MIAT: variants seen among roughly 807,000 people sequenced by gnomAD.
The protein encoded by MIAT is MI related novel mRNA.
chr22:26,663,351 C>T (rs1454118009), exon 3 of MIAT: 1 of 398,680 alleles, frequency 2.5e-6, no homozygotes, highest in Non-Finnish European at 4.4e-6. Context: ...GTTCCAGACA[C>T]GTTCATGTGG....
intron 2 of MIAT, among the ~76,000 whole-genome samples, chr22:26,662,275 AC>A (rs1374789884): frequency 6.6e-6 from 1 of 151,456 alleles, no homozygotes; most frequent in Non-Finnish European, 1.5e-5. Context: ...ATTTGAATAC[AC>A]CCTCTGCCCC....
At chr22:26,660,006 T>C (rs950783668) in intron 2 of MIAT, among the ~76,000 whole-genome samples, 1 of 151,510 alleles carries the variant, frequency 6.6e-6, no homozygotes, top group Non-Finnish European at 1.5e-5. Context: ...CAGCTAATTT[T>C]TGGATTTTTT....
chr22:26,667,420 G>A (rs1314101335), intron 5 of MIAT: 5 of 371,644 alleles, frequency 1.3e-5, no homozygotes, highest in Admixed American at 5.0e-5. Flanking sequence ...GCGTGTATGT[G>A]TGTGTATGCG....
At chr22:26,675,326 C>G (rs1478596884) in exon 5 of MIAT, 3 of 398,590 alleles carry the variant, frequency 7.5e-6, no homozygotes, top group Non-Finnish European at 8.8e-6. Flanking sequence ...AGATAGGAGA[C>G]ATGGACATGG....
intron 2 of MIAT, among the ~76,000 whole-genome samples, chr22:26,658,685 C>T (rs1930547848): frequency 6.6e-6 from 1 of 152,210 alleles, no homozygotes; most frequent in South Asian, 2.1e-4. Context: ...TCATCCCAGG[C>T]TCCGGATCCG....
chr22:26,663,323 C>T, exon 3 of MIAT: 2 of 398,606 alleles, frequency 5.0e-6, no homozygotes, highest in Admixed American at 8.8e-5. Context: ...CAGTTGGAGG[C>T]ATCTGTCCAC....
intron 2 of MIAT, among the ~76,000 whole-genome samples, chr22:26,661,760 A>G (rs1299855659): frequency 6.6e-6 from 1 of 151,836 alleles, no homozygotes; most frequent in Non-Finnish European, 1.5e-5. Context: ...CAGACTGTGA[A>G]AGCAACCGGC....
chr22:26,676,156 T>C (rs183790608), exon 5 of MIAT: 2 of 390,638 alleles, frequency 5.1e-6, no homozygotes, highest in African/African-American at 4.3e-5. Flanking sequence ...GTGAGGGCTG[T>C]GCTGGTGTAA....
downstream of MIAT, chr22:26,672,498 A>T: frequency 2.5e-6 from 1 of 399,424 alleles, no homozygotes; most frequent in East Asian, 3.6e-5. Context: ...CACTGGGAGT[A>T]GGTGGGACCA....
At chr22:26,661,638 G>A (rs541738959) in intron 2 of MIAT, among the ~76,000 whole-genome samples, 9 of 152,144 alleles carry the variant, frequency 5.9e-5, no homozygotes, top group East Asian at 1.9e-4. Flanking sequence ...GCCACGCAGC[G>A]AATTAGCTGT....
chr22:26,666,274 T>C (rs1182347849), exon 4 of MIAT: 39 of 398,518 alleles, frequency 9.8e-5, no homozygotes, highest in Non-Finnish European at 1.3e-5. Context: ...TCTGGTCTTC[T>C]CCAGACTGGT....
intron 2 of MIAT, among the ~76,000 whole-genome samples, chr22:26,651,695 G>A (rs1930339390): frequency 6.6e-6 from 1 of 152,218 alleles, no homozygotes; most frequent in Non-Finnish European, 1.5e-5. Flanking sequence ...TCATACAATG[G>A]AATATTATTC....
chr22:26,664,005 C>CTTTTTT (rs202155948), intron 3 of MIAT, among the ~76,000 whole-genome samples: 8 of 116,266 alleles, frequency 6.9e-5, no homozygotes, highest in African/African-American at 2.7e-4. Flanking sequence ...CTGTGTTCAG[C>CTTTTTT]TTTTTTTTTT....
chr22:26,660,249 A>G (rs1343904263), intron 2 of MIAT, among the ~76,000 whole-genome samples: 1 of 150,210 alleles, frequency 6.7e-6, no homozygotes, highest in Non-Finnish European at 1.5e-5. Context: ...AGGTGGGTGG[A>G]TCACCTGAGG....
At position 26,675,341 on chromosome 22, in the gene MIAT, G is replaced by A. The variant is rs188377623; in HGVS notation, n.9009G>A. ...AGATAGGAGACATGGACATGGTGCC[G>A]GGTCTGGTTGCCAAGAAGTTTAGAT... is the stretch of plus-strand genomic sequence containing the variant. On this transcript the variant is annotated non_coding_transcript_exon_variant, in exon 5 of 5. Coordinates refer to the MIAT transcript ENST00000613780. 24 of 398,710 alleles carry A rather than the reference G, an allele frequency of 6.0e-5. No homozygotes were observed. The East Asian group carries it at 6.8e-4, about 11-fold the overall frequency. The allele number at this position is 398,710 out of a possible 1,614,324, so 24.7% of individuals were successfully genotyped here.
intron 3 of MIAT, among the ~76,000 whole-genome samples, chr22:26,665,066 G>A (rs1208944354): frequency 6.6e-6 from 1 of 151,690 alleles, no homozygotes; most frequent in Non-Finnish European, 1.5e-5. Context: ...GTGAAACCCC[G>A]TCTCTACTAC....
At chr22:26,669,514 A>G (rs34311659) in exon 6 of MIAT, 1 of 398,592 alleles carries the variant, frequency 2.5e-6, no homozygotes, top group Admixed American at 4.4e-5. Flanking sequence ...ATATCACCAT[A>G]TTAGGGCTTA....
downstream of MIAT, chr22:26,672,425 C>T (rs1602373976): frequency 1.0e-5 from 4 of 399,306 alleles, no homozygotes; most frequent in South Asian, 5.1e-4. Flanking sequence ...AGAGGTGGTC[C>T]TGTGGATGTG....
chr22:26,659,820 T>TTTTC lies in MIAT; in HGVS notation n.647-3476_647-3473dup, dbSNP rs201658637. Among the ~76,000 whole-genome samples the TTTTC allele has an allele frequency of 1.4e-4, 18 of 132,244 alleles. 1 individual carries two copies. The highest frequency in any genetic ancestry group is 2.5e-4 in the African/African-American group (9 of 35,616). 86.8% of individuals were successfully genotyped at this position (132,244 alleles called of 152,430 possible). On this transcript the variant is annotated intron_variant and non_coding_transcript_variant, in intron 2 of 5. Coordinates refer to ENST00000643270, the Ensembl canonical transcript of MIAT. Reference sequence around the variant, plus strand: ...AGAAAACTCCATTTTCTTTTTTTCTTTTTCTTTCTTTCTTTCTTTCTTTTT... The same window carrying TTTTC: ...AGAAAACTCCATTTTCTTTTTTTCTTTTTCTTTCTTTCTTTCTTTCTTTCTTTTT...
Sources: allele counts gnomAD v4.1 joint callset (sites outside exome capture counted in the v4.1 genomes callset), GRCh38; gene constraint gnomAD v4.1.1; transcripts MANE v1.5; gene names NCBI Gene and HGNC (gene_info 2026-07-23, HGNC 2026-07-21).